Variants in WDR49 observed in about 807,000 individuals in gnomAD.
WDR49 encodes cilia- and flagella-associated protein 337.
A neutral mutation model predicts 119.5 loss-of-function variants in WDR49; 107 were observed. The ratio of observed to expected loss-of-function variants is 0.90; its 90% CI spans 0.77 to 1.05. The LOEUF (loss-of-function observed/expected upper bound fraction) is 1.05, where lower values mean the gene tolerates loss of function less well. Ranked by LOEUF, WDR49 falls within the 50% of genes least tolerant of loss-of-function variation. WDR49 has a pLI of 0.00. For synonymous variants in WDR49, 425 were observed against 418.8 expected (o/e 1.01, Z -0.18); for missense variants, 1,240 against 1,220.5 (o/e 1.02, Z -0.24).
intron 18 of WDR49, 133 bp from the exon 19 acceptor site, chr3:167,479,129 G>C: frequency 1.5e-6 from 1 of 671,152 alleles, no homozygotes; most frequent in South Asian, 1.9e-5. Flanking sequence ...GAGTGTATTT[G>C]GAAAAATTTT....
upstream of WDR49, among the ~76,000 whole-genome samples, chr3:167,656,741 A>G (rs1718614443): frequency 6.6e-6 from 1 of 152,210 alleles, no homozygotes. Context: ...GTTAATTTTC[A>G]GGTTAAATTC....
intron 7 of WDR49, among the ~76,000 whole-genome samples, chr3:167,581,597 C>A (rs1231815428): frequency 6.6e-6 from 1 of 152,088 alleles, no homozygotes; most frequent in African/African-American, 2.4e-5. Context: ...CTACTCCCAG[C>A]CAGAGGTGGA....
intron 18 of WDR49, among the ~76,000 whole-genome samples, chr3:167,493,826 G>A (rs1751243598): frequency 1.3e-5 from 2 of 152,036 alleles, no homozygotes; most frequent in South Asian, 2.1e-4. Context: ...TTTAGTAGGT[G>A]TCCCATAGGC....
At chr3:167,644,739 A>C (rs1384663811) in intron 2 of WDR49, among the ~76,000 whole-genome samples, 1 of 152,168 alleles carries the variant, frequency 6.6e-6, no homozygotes, top group African/African-American at 2.4e-5. Context: ...TATATTTGAT[A>C]TATAAAGGCA....
intron 2 of WDR49, among the ~76,000 whole-genome samples, chr3:167,640,628 C>A (rs1717838567): frequency 6.6e-6 from 1 of 151,764 alleles, no homozygotes; most frequent in African/African-American, 2.4e-5. Context: ...TGAGAAAATA[C>A]CTTGAGATTC....
At chr3:167,522,180 A>T in intron 16 of WDR49, 135 bp downstream of exon 16, 1 of 824,122 alleles carries the variant, frequency 1.2e-6, no homozygotes, top group Non-Finnish European at 1.8e-6. Context: ...CGCACCTACC[A>T]ATCCCCCAAA....
chr3:167,528,914 G>T, intron 14 of WDR49, 138 bp downstream of exon 14: 2 of 558,300 alleles, frequency 3.6e-6, no homozygotes, highest in Non-Finnish European at 2.8e-6. Context: ...CATGAAACTT[G>T]TAAATGTTTT....
intron 7 of WDR49, among the ~76,000 whole-genome samples, chr3:167,595,444 C>T (rs976672362): frequency 2.0e-5 from 3 of 152,190 alleles, no homozygotes; most frequent in Non-Finnish European, 2.9e-5. Flanking sequence ...AATCTGGAGG[C>T]ATCACACTAC....
chr3:167,518,549 T>C (rs1752306963), intron 16 of WDR49, among the ~76,000 whole-genome samples: 1 of 151,918 alleles, frequency 6.6e-6, no homozygotes, highest in South Asian at 2.1e-4. Flanking sequence ...GAAGTGTCTG[T>C]TCATATCCTT....
At chr3:167,585,390 G>T (rs555365133) in intron 7 of WDR49, among the ~76,000 whole-genome samples, 68 of 131,546 alleles carry the variant, frequency 5.2e-4, no homozygotes, top group African/African-American at 2.4e-3. Context: ...TTAAAAGGGT[G>T]CGTGTGTGTG....
rs13061106 is a variant in WDR49 at position 167,500,172 on chromosome 3, C to G, written c.3012G>C (p.Glu1004Asp). 6.4e-7 allele frequency: 1 copy of G among 1,571,480 alleles called. No individual in the cohort carries two copies. Among genetic ancestry groups the G allele is most frequent in the African/African-American group, 1.4e-5 (1 of 71,462 alleles). Residue 1004 changes from glutamate (E) to aspartate (D), a missense_variant, in exon 18 of 19, where the codon GAG (glutamate) becomes GAC (aspartate). Glu to Asp is a conservative substitution (Grantham distance 45). Transcript: ENST00000682715. ...EPEEERPQIL[E>D]APSLFKTLKA... ...ACTTACTTTTAAAAAGTGACGGGGC[C>G]TCCAGAATTTGGGGACGCTCTTCCT...
chr3:167,575,916 A>G lies in WDR49; in HGVS notation c.1509+2T>C. ...GAGTGAAAGAAAAGAAAGCATCATT[A>G]CCTGCTTCAAGATAGAATTGTAAAG... On this transcript the variant is annotated splice_donor_variant, in intron 8 of 18. Transcript: ENST00000682715. LOFTEE classifies it high-confidence loss of function. 6.2e-7 allele frequency: 1 copy of G among 1,613,518 alleles called. No homozygotes were observed. The highest frequency in any genetic ancestry group is 8.5e-7 in the Non-Finnish European group (1 of 1,179,466).
intron 3 of WDR49, among the ~76,000 whole-genome samples, chr3:167,624,527 T>TCATATTAATTAATTAATGAACATTAATA: frequency 6.6e-6 from 1 of 152,046 alleles, no homozygotes; most frequent in South Asian, 2.1e-4. Context: ...AATATGTTCA[T>TCATATTAATTAATTAATGAACATTAATA]TGTCTTCTTT....
chr3:167,609,233 T>C (rs1716215300), intron 5 of WDR49, among the ~76,000 whole-genome samples: 1 of 151,894 alleles, frequency 6.6e-6, no homozygotes, highest in Non-Finnish European at 1.5e-5. Context: ...AAACAAAAAT[T>C]AGATGAGCCC....
At chr3:167,490,873 T>C (rs1246054067) in intron 18 of WDR49, among the ~76,000 whole-genome samples, 1 of 152,138 alleles carries the variant, frequency 6.6e-6, no homozygotes, top group East Asian at 1.9e-4. Context: ...TACTTGCAAA[T>C]TGGACTGGTC....
At chr3:167,504,486 A>G (rs527600112) in intron 17 of WDR49, among the ~76,000 whole-genome samples, 4 of 152,268 alleles carry the variant, frequency 2.6e-5, no homozygotes, top group African/African-American at 4.8e-5. Context: ...TAGAATGAAA[A>G]TGTTTATCCA....
At chr3:167,647,343 C>T (rs1718174495) in intron 2 of WDR49, among the ~76,000 whole-genome samples, 1 of 152,108 alleles carries the variant, frequency 6.6e-6, no homozygotes. Context: ...TTTGTAAGTG[C>T]CTGTTGTAAA....
intron 17 of WDR49, 69 bp from the exon 18 acceptor site, chr3:167,500,368 G>A: frequency 1.3e-6 from 2 of 1,538,802 alleles, no homozygotes; most frequent in Non-Finnish European, 8.7e-7. Flanking sequence ...TCCTTGGAAA[G>A]AGCCAGCACA....
At chr3:167,517,271 T>C (rs890462632) in intron 16 of WDR49, among the ~76,000 whole-genome samples, 5 of 152,034 alleles carry the variant, frequency 3.3e-5, no homozygotes, top group African/African-American at 2.4e-5. Context: ...CTTCAAACTG[T>C]ACTACACGGC....
Sources: allele counts gnomAD v4.1 joint callset (sites outside exome capture counted in the v4.1 genomes callset), GRCh38; gene constraint gnomAD v4.1.1; transcripts MANE v1.5; gene names NCBI Gene and HGNC (gene_info 2026-07-23, HGNC 2026-07-21).